PDE10A: variants seen among roughly 807,000 people sequenced by gnomAD.
PDE10A encodes the protein cAMP and cAMP-inhibited cGMP 3',5'-cyclic phosphodiesterase 10A.
A neutral mutation model predicts 97.7 loss-of-function variants in PDE10A; 39 were observed. The ratio of observed to expected loss-of-function variants is 0.40; its 90% CI spans 0.31 to 0.52. The LOEUF is 0.52. Among genes scored for constraint, PDE10A ranks in the 20% least tolerant of loss-of-function variants. PDE10A has a pLI of 0.56. For missense variants in PDE10A, 731 were observed against 1,047.8 expected (o/e 0.70, Z 4.17); for synonymous variants, 371 against 376.8 (o/e 0.98, Z 0.18).
chr6:165,385,958 G>A (rs558842173), intron 17 of PDE10A, among the ~76,000 whole-genome samples: 5 of 152,162 alleles, frequency 3.3e-5, no homozygotes, highest in South Asian at 2.1e-4. Flanking sequence ...TCTTCTCTAC[G>A]CAGAACAAAT....
chr6:165,568,269 G>A (rs924870469), intron 1 of PDE10A, among the ~76,000 whole-genome samples: 5 of 152,074 alleles, frequency 3.3e-5, no homozygotes. Context: ...AAAGTGCTGG[G>A]ATTACAGGCG....
chr6:165,912,058 CTGTT>C (rs1388485155), intron 1 of PDE10A, among the ~76,000 whole-genome samples: 1 of 151,882 alleles, frequency 6.6e-6, no homozygotes, highest in African/African-American at 2.4e-5. Context: ...TCTCTATTAT[CTGTT>C]TATCATCTCT....
At chr6:165,548,409 C>T (rs1562570585) in intron 1 of PDE10A, among the ~76,000 whole-genome samples, 1 of 151,138 alleles carries the variant, frequency 6.6e-6, no homozygotes, top group Non-Finnish European at 1.5e-5. Context: ...AATAATATTC[C>T]CTCCATCTCT....
At chr6:165,773,618 A>G (rs563165957) in intron 1 of PDE10A, among the ~76,000 whole-genome samples, 1 of 152,306 alleles carries the variant, frequency 6.6e-6, no homozygotes, top group Non-Finnish European at 1.5e-5. Context: ...AAGGCCCCTG[A>G]CTCAAGCGCA....
intron 1 of PDE10A, among the ~76,000 whole-genome samples, chr6:165,920,564 ACACACT>A (rs1782726524): frequency 6.6e-6 from 1 of 151,842 alleles, no homozygotes; most frequent in Non-Finnish European, 1.5e-5. Context: ...ACACACACAC[ACACACT>A]TACACATACC....
At chr6:165,658,215 G>A (rs1377677129) in intron 1 of PDE10A, among the ~76,000 whole-genome samples, 6 of 152,050 alleles carry the variant, frequency 3.9e-5, no homozygotes, top group Non-Finnish European at 5.9e-5. Flanking sequence ...TTCAAGTGTC[G>A]GCCACACAGT....
chr6:165,875,007 C>T (rs1562777488), intron 1 of PDE10A, among the ~76,000 whole-genome samples: 1 of 152,102 alleles, frequency 6.6e-6, no homozygotes, highest in Non-Finnish European at 1.5e-5. Context: ...AATGGAAAAA[C>T]ATATATATTT....
At chr6:165,822,725 C>G (rs973467764) in intron 1 of PDE10A, among the ~76,000 whole-genome samples, 1 of 152,140 alleles carries the variant, frequency 6.6e-6, no homozygotes, top group Admixed American at 6.5e-5. Context: ...TCGGACATGG[C>G]GTGCACTACT....
chr6:165,987,663 G>A (rs1408771418), exon 1 of PDE10A: 3 of 456,616 alleles, frequency 6.6e-6, no homozygotes, highest in Non-Finnish European at 1.3e-5. Context: ...AGGGTTCCAT[G>A]GAGAACTGCG....
chr6:165,861,307 C>G (rs530023152), intron 1 of PDE10A, among the ~76,000 whole-genome samples: 1 of 152,072 alleles, frequency 6.6e-6, no homozygotes, highest in East Asian at 1.9e-4. Context: ...GAATGCATGA[C>G]AAACCTTCCT....
At chr6:165,573,601 T>C (rs1005236620) in intron 1 of PDE10A, among the ~76,000 whole-genome samples, 2 of 152,156 alleles carry the variant, frequency 1.3e-5, no homozygotes, top group African/African-American at 4.8e-5. Flanking sequence ...CACCAAAAAA[T>C]GACAAATTCA....
intron 3 of PDE10A, among the ~76,000 whole-genome samples, chr6:165,451,903 T>C (rs1009396445): frequency 2.0e-5 from 3 of 152,232 alleles, no homozygotes; most frequent in African/African-American, 7.2e-5. Context: ...TTCAGTATGC[T>C]AGTGCTAGGT....
chr6:165,886,021 C>T (rs558832112), intron 1 of PDE10A, among the ~76,000 whole-genome samples: 10 of 152,284 alleles, frequency 6.6e-5, no homozygotes, highest in African/African-American at 2.4e-4. Flanking sequence ...ATAAGTTGTA[C>T]ACTATGCCAA....
At chr6:165,540,950 A>G (rs756742086) in intron 2 of PDE10A, among the ~76,000 whole-genome samples, 6 of 152,166 alleles carry the variant, frequency 3.9e-5, no homozygotes, top group Non-Finnish European at 5.9e-5. Flanking sequence ...TTTCTAAAGT[A>G]ACAGGAAGAA....
intron 1 of PDE10A, among the ~76,000 whole-genome samples, chr6:165,613,216 G>T (rs1386034712): frequency 6.6e-6 from 1 of 151,860 alleles, no homozygotes; most frequent in Non-Finnish European, 1.5e-5. Flanking sequence ...ATACTTTTTT[G>T]CATGTGTTCA....
At chr6:165,423,055 C>A (rs982656877) in intron 10 of PDE10A, among the ~76,000 whole-genome samples, 3 of 152,032 alleles carry the variant, frequency 2.0e-5, no homozygotes, top group Non-Finnish European at 4.4e-5. Context: ...AAACATAAGA[C>A]GACAGCTGTC....
chr6:165,983,067 C>CAGACA (rs11445684), intron 1 of PDE10A, among the ~76,000 whole-genome samples: 6 of 151,918 alleles, frequency 3.9e-5, no homozygotes, highest in Admixed American at 3.3e-4. Context: ...CACAATTTTA[C>CAGACA]GACACACACA....
At chr6:165,814,121 T>C (rs1463684065) in intron 1 of PDE10A, among the ~76,000 whole-genome samples, 1 of 152,174 alleles carries the variant, frequency 6.6e-6, no homozygotes, top group Non-Finnish European at 1.5e-5. Flanking sequence ...TTAATTACCA[T>C]TTCAAAATGC....
intron 1 of PDE10A, among the ~76,000 whole-genome samples, chr6:165,936,907 C>T (rs1783350338): frequency 6.6e-6 from 1 of 152,172 alleles, no homozygotes; most frequent in African/African-American, 2.4e-5. Flanking sequence ...GGCATTTGTG[C>T]TTTGGAAAGA....
Sources: allele counts gnomAD v4.1 joint callset (sites outside exome capture counted in the v4.1 genomes callset), GRCh38; gene constraint gnomAD v4.1.1; transcripts MANE v1.5; gene names NCBI Gene and HGNC (gene_info 2026-07-23, HGNC 2026-07-21).